Variants in ABI3BP observed in about 807,000 individuals in gnomAD.
ABI3BP encodes the protein ABI family member 3 binding protein, also known as target of Nesh-SH3.
ABI3BP carries 216 observed loss-of-function variants against 268.6 expected under a neutral mutation model. That is an observed-to-expected ratio of 0.80 (90% CI 0.72 to 0.90). ABI3BP has a LOEUF of 0.90. ABI3BP is among the 40% of genes least tolerant of loss of function. ABI3BP has a pLI of 0.00. For missense variants in ABI3BP, 2,090 were observed against 2,182.4 expected (o/e 0.96, Z 0.84); for synonymous variants, 730 against 730.0 (o/e 1.00, Z 0.00).
intron 2 of ABI3BP, among the ~76,000 whole-genome samples, chr3:100,914,636 G>A (rs2057971055): frequency 6.6e-6 from 1 of 152,228 alleles, no homozygotes; most frequent in Non-Finnish European, 1.5e-5. Flanking sequence ...GCTATAGAGA[G>A]TGAGTGGAGC....
rs768374722 is a variant in ABI3BP at position 100,796,433 on chromosome 3, G to GGTAT, written c.3789_3792dup (p.Pro1265IlefsTer3). On this transcript the variant is annotated frameshift_variant, in exon 52 of 68. Coordinates refer to ENST00000471714, the MANE Select transcript of ABI3BP (RefSeq NM_001375547.2). LOFTEE classifies it high-confidence loss of function. ...CCAGGTTCGCTCTGAGAGACCTCAG[G>GGTAT]GTATGGTTTATGAGGAAGGAGCACA... 3 of 1,600,218 alleles carry GGTAT rather than the reference G, an allele frequency of 1.9e-6. No homozygotes were observed. Among genetic ancestry groups the GGTAT allele is most frequent in the Non-Finnish European group, 2.6e-6 (3 of 1,172,970 alleles).
chr3:100,949,100 T>C (rs981031363), intron 1 of ABI3BP, among the ~76,000 whole-genome samples: 15 of 152,324 alleles, frequency 9.8e-5, no homozygotes, highest in African/African-American at 3.4e-4. Flanking sequence ...TTTTCTTCAA[T>C]ATAAATATAG....
At chr3:100,775,001 T>G (rs1411205624) in intron 60 of ABI3BP, among the ~76,000 whole-genome samples, 1 of 152,224 alleles carries the variant, frequency 6.6e-6, no homozygotes, top group East Asian at 1.9e-4. Context: ...GTTACGCAGT[T>G]TCTTCTATGT....
intron 44 of ABI3BP, among the ~76,000 whole-genome samples, 177 bp from the exon 45 acceptor site, chr3:100,813,912 C>T (rs1021651793): frequency 6.6e-6 from 1 of 152,044 alleles, no homozygotes; most frequent in Non-Finnish European, 1.5e-5. Flanking sequence ...CCTTCCAAGT[C>T]TAGCCAGTGG....
At chr3:100,899,441 AT>A (rs1389029357) in intron 3 of ABI3BP, among the ~76,000 whole-genome samples, 1 of 152,208 alleles carries the variant, frequency 6.6e-6, no homozygotes, top group Admixed American at 6.5e-5. Context: ...GTAAGTATAT[AT>A]TTTACAATGA....
At position 100,862,346 on chromosome 3, in the gene ABI3BP, A is replaced by T. The variant is rs781020243; in HGVS notation, c.1250T>A (p.Ile417Lys). Reference protein sequence around the residue: ...EKPWIVPTAKISEDSKVLQPQ... With the variant: ...EKPWIVPTAKKSEDSKVLQPQ... Reference sequence around the variant, plus strand: ...CTGCAGAACTTTGGAATCTTCAGATATTTTAGCTGTAGGCACAATCCATGG... The same window carrying T: ...CTGCAGAACTTTGGAATCTTCAGATTTTTTAGCTGTAGGCACAATCCATGG... The change falls in exon 14 of 68, where the codon ATA becomes AAA. Residue 417 changes from isoleucine (I) to lysine (K), a missense_variant. Physicochemically the swap from Ile to Lys is moderately radical, Grantham distance 102. Transcript: ENST00000471714. 2.5e-6 allele frequency: 4 copies of T among 1,604,800 alleles called. No individual in the cohort carries two copies. The highest frequency in any genetic ancestry group is 3.4e-6 in the Non-Finnish European group (4 of 1,176,160).
chr3:100,976,338 GA>G (rs2086194457), intron 1 of ABI3BP, among the ~76,000 whole-genome samples: 1 of 151,978 alleles, frequency 6.6e-6, no homozygotes, highest in South Asian at 2.1e-4. Flanking sequence ...AACACTTCTG[GA>G]AATGCCATAA....
At chr3:100,817,567 T>C in intron 41 of ABI3BP, 72 bp from the exon 42 acceptor site, 1 of 1,194,000 alleles carries the variant, frequency 8.4e-7, no homozygotes, top group Non-Finnish European at 1.1e-6. Context: ...ATTTTTAAGC[T>C]TCAGAACTTA....
chr3:100,920,813 A>G (rs1313039321), intron 2 of ABI3BP, among the ~76,000 whole-genome samples: 1 of 152,256 alleles, frequency 6.6e-6, no homozygotes, highest in Non-Finnish European at 1.5e-5. Context: ...TATAATTCAG[A>G]TAATTTAAAC....
chr3:100,882,833 A>G (rs1292671863), intron 6 of ABI3BP, among the ~76,000 whole-genome samples: 1 of 152,176 alleles, frequency 6.6e-6, no homozygotes, highest in Non-Finnish European at 1.5e-5. Flanking sequence ...GAATGAAAGA[A>G]ATGATATCAT....
chr3:100,782,182 A>G (rs1414782526), intron 57 of ABI3BP, among the ~76,000 whole-genome samples: 1 of 152,158 alleles, frequency 6.6e-6, no homozygotes, highest in Admixed American at 6.5e-5. Flanking sequence ...GGTGTGTGGG[A>G]CTCAGAAGGT....
Position 100,866,868 on chromosome 3 carries a change from G to T in ABI3BP, c.988+11C>A, listed in dbSNP as rs192401988. 1.9e-6 allele frequency: 3 copies of T among 1,610,128 alleles called. No individual in the cohort carries two copies. Among genetic ancestry groups the T allele is most frequent in the Non-Finnish European group, 1.7e-6 (2 of 1,177,236 alleles). On this transcript the variant is annotated intron_variant, in intron 10 of 67. Transcript: ENST00000471714. ...CTTTTCTCAAGGTCAACAACATAGCGATCTCATTACCTGTTGTGGGTCGTG... is the reference window on the plus strand; with the variant it reads ...CTTTTCTCAAGGTCAACAACATAGCTATCTCATTACCTGTTGTGGGTCGTG...
chr3:100,874,198 G>A (rs1279024744), intron 9 of ABI3BP, among the ~76,000 whole-genome samples: 4 of 152,070 alleles, frequency 2.6e-5, no homozygotes, highest in East Asian at 1.9e-4. Context: ...TGGTGGTGGG[G>A]GGTGGTGGGC....
In ABI3BP at chr3:100,886,236, G is replaced by T. The variant is rs550467406; in HGVS notation, c.549C>A (p.Asn183Lys). Residue 183 changes from asparagine to lysine, a missense_variant, in exon 5 of 68, where the codon AAC (asparagine) becomes AAA (lysine). By Grantham distance (94) the Asn-to-Lys change is moderately conservative (BLOSUM62 0). Transcript: ENST00000471714. ...ICPATETIVE[N>K]LKPNTVYEFG... ...ATTCATAAACTGTGTTGGGCTTTAG[G>T]TTTTCCACAATTGTTTCAGTGGCTG... 1.2e-6 allele frequency: 2 copies of T among 1,610,440 alleles called. No individual in the cohort carries two copies. Among genetic ancestry groups the T allele is most frequent in the African/African-American group, 2.7e-5 (2 of 74,752 alleles).
intron 1 of ABI3BP, among the ~76,000 whole-genome samples, chr3:100,980,820 G>A (rs558485603): frequency 6.6e-6 from 1 of 152,302 alleles, no homozygotes; most frequent in East Asian, 1.9e-4. Context: ...TTGGTTACAA[G>A]ACAAATGAAG....
At chr3:100,830,120 T>TACATAC (rs2098462457) in intron 32 of ABI3BP, among the ~76,000 whole-genome samples, 1 of 23,038 alleles carries the variant, frequency 4.3e-5, no homozygotes, top group Non-Finnish European at 9.6e-5. Context: ...CATATATATA[T>TACATAC]ATATATATAT....
chr3:100,831,648 G>A (rs956667739), intron 31 of ABI3BP, among the ~76,000 whole-genome samples: 6 of 152,072 alleles, frequency 3.9e-5, no homozygotes, highest in Non-Finnish European at 7.4e-5. Flanking sequence ...GTATCAACGA[G>A]TTATCCTCTG....
chr3:100,924,835 C>A (rs530629212), intron 2 of ABI3BP, among the ~76,000 whole-genome samples: 2 of 152,048 alleles, frequency 1.3e-5, no homozygotes, highest in Non-Finnish European at 2.9e-5. Flanking sequence ...AAAGAGCTTA[C>A]AATTGACCCA....
rs755310787 is a variant in ABI3BP, at chr3:100,816,535, G to A, written c.3229+153C>T. Reference sequence around the variant, plus strand: ...CATGTTCTCCTGGATAGCTCTGTACGAGAAGCAGTTGCTACCCATGTTAAA... The same window carrying A: ...CATGTTCTCCTGGATAGCTCTGTACAAGAAGCAGTTGCTACCCATGTTAAA... On this transcript the variant is annotated intron_variant, in intron 43 of 67. Coordinates refer to ENST00000471714, the MANE Select transcript of ABI3BP (RefSeq NM_001375547.2). The A allele has an allele frequency of 7.0e-4, 517 of 735,498 alleles. 1 individual carries two copies. Among genetic ancestry groups the A allele is most frequent in the Non-Finnish European group, 9.5e-4 (397 of 419,216 alleles). 45.6% of individuals were successfully genotyped at this position (735,498 alleles called of 1,614,324 possible). A position where few individuals can be genotyped will look rare whatever the true frequency, so the allele number is the denominator to read the frequency against.
Sources: allele counts gnomAD v4.1 joint callset (sites outside exome capture counted in the v4.1 genomes callset), GRCh38; gene constraint gnomAD v4.1.1; transcripts MANE v1.5; gene names NCBI Gene and HGNC (gene_info 2026-07-23, HGNC 2026-07-21).